The following CDH13 variants were observed in gnomAD, a reference collection of about 807,000 sequenced individuals.
The protein encoded by CDH13 is cadherin-13.
Under a neutral mutation model 63.8 loss-of-function variants are expected in CDH13, and 24 were observed. The ratio of observed to expected loss-of-function variants is 0.38; its 90% CI spans 0.27 to 0.53. The LOEUF (loss-of-function observed/expected upper bound fraction) is 0.53. Among genes scored for constraint, CDH13 ranks in the 20% least tolerant of loss-of-function variants. CDH13 has a pLI of 0.85. For synonymous variants in CDH13, 503 were observed against 355.3 expected, an observed-to-expected ratio of 1.42 and a Z score of -4.67; for missense variants, 1,049 against 903.1, an observed-to-expected ratio of 1.16 and a Z score of -2.07.
chr16:83,293,617 T>C (rs2089516789), intron 5 of CDH13, among the ~76,000 whole-genome samples: 2 of 152,182 alleles, frequency 1.3e-5, no homozygotes, highest in African/African-American at 4.8e-5. Flanking sequence ...ACATAACAGA[T>C]ATATACATAA....
At chr16:82,922,446 A>G (rs2042184892) in intron 2 of CDH13, among the ~76,000 whole-genome samples, 1 of 152,190 alleles carries the variant, frequency 6.6e-6, no homozygotes, top group South Asian at 2.1e-4. Flanking sequence ...GAAGTTTCGA[A>G]GAAGCAAACA....
At chr16:83,701,691 T>A (rs1388839074) in intron 10 of CDH13, among the ~76,000 whole-genome samples, 2 of 152,138 alleles carry the variant, frequency 1.3e-5, no homozygotes, top group Non-Finnish European at 2.9e-5. Context: ...CTCTTCTTCC[T>A]CAGGACGTTA....
At chr16:82,715,352 C>T (rs748599592) in intron 1 of CDH13, among the ~76,000 whole-genome samples, 4 of 152,012 alleles carry the variant, frequency 2.6e-5, no homozygotes, top group East Asian at 1.9e-4. Context: ...CAAGTCAGGG[C>T]GTCTGTTTGT....
intron 2 of CDH13, among the ~76,000 whole-genome samples, chr16:82,935,874 C>T (rs2042651243): frequency 6.6e-6 from 1 of 152,108 alleles, no homozygotes; most frequent in Admixed American, 6.6e-5. Context: ...AGAGAAACAG[C>T]TTCCTCTATA....
intron 4 of CDH13, among the ~76,000 whole-genome samples, chr16:83,188,818 G>C (rs1391160228): frequency 6.6e-6 from 1 of 152,200 alleles, no homozygotes; most frequent in Non-Finnish European, 1.5e-5. Flanking sequence ...ACGGTTTACT[G>C]TACCTTCTTC....
chr16:83,279,774 C>T (rs1485686212), intron 5 of CDH13, among the ~76,000 whole-genome samples: 1 of 151,706 alleles, frequency 6.6e-6, no homozygotes, highest in Non-Finnish European at 1.5e-5. Flanking sequence ...AGGCGTAGCT[C>T]AGAGATATCA....
chr16:83,593,865 A>T (rs1305731004), intron 7 of CDH13, among the ~76,000 whole-genome samples: 4 of 152,180 alleles, frequency 2.6e-5, no homozygotes, highest in Non-Finnish European at 5.9e-5. Context: ...AAACAAGCAC[A>T]TTATAGACTG....
chr16:82,664,071 C>T (rs1912300528), intron 1 of CDH13, among the ~76,000 whole-genome samples: 1 of 152,226 alleles, frequency 6.6e-6, no homozygotes, highest in African/African-American at 2.4e-5. Flanking sequence ...ATATTACTTA[C>T]TCGTCCCTAC....
At chr16:83,156,742 A>G (rs1224850540) in intron 4 of CDH13, among the ~76,000 whole-genome samples, 1 of 152,120 alleles carries the variant, frequency 6.6e-6, no homozygotes, top group Non-Finnish European at 1.5e-5. Context: ...ACCCTCCCCC[A>G]GCCTCCTTCC....
chr16:82,874,021 G>T (rs769952618), intron 2 of CDH13, among the ~76,000 whole-genome samples: 1 of 150,880 alleles, frequency 6.6e-6, no homozygotes, highest in African/African-American at 2.4e-5. Flanking sequence ...TTTAGGTCCA[G>T]ATGTGTTCTG....
intron 1 of CDH13, among the ~76,000 whole-genome samples, chr16:82,697,958 C>G (rs2030537957): frequency 6.6e-6 from 1 of 152,034 alleles, no homozygotes; most frequent in Admixed American, 6.6e-5. Flanking sequence ...TGTAATCTAC[C>G]CCATAGATGA....
At chr16:83,793,048 A>C (rs960286817) in intron 13 of CDH13, among the ~76,000 whole-genome samples, 1 of 152,202 alleles carries the variant, frequency 6.6e-6, no homozygotes, top group Non-Finnish European at 1.5e-5. Context: ...GAGTGAGAAC[A>C]AAGGTCAGAA....
At chr16:82,897,666 C>A (rs1049925012) in intron 2 of CDH13, among the ~76,000 whole-genome samples, 6 of 152,224 alleles carry the variant, frequency 3.9e-5, no homozygotes, top group South Asian at 2.1e-4. Context: ...AAAGCCCATA[C>A]CCTTAGCTAT....
chr16:83,306,850 G>A (rs1188062787), intron 5 of CDH13, among the ~76,000 whole-genome samples: 2 of 152,102 alleles, frequency 1.3e-5, no homozygotes, highest in African/African-American at 4.8e-5. Flanking sequence ...CTCTTCTTTG[G>A]AAATTACCCA....
intron 1 of CDH13, among the ~76,000 whole-genome samples, chr16:82,630,825 T>C (rs1344849494): frequency 6.6e-6 from 1 of 152,222 alleles, no homozygotes; most frequent in African/African-American, 2.4e-5. Context: ...ACAGTGTTTC[T>C]GTGTGCGCGT....
intron 6 of CDH13, among the ~76,000 whole-genome samples, chr16:83,379,938 T>TATATATATAGAGAGAGAGAGAGAG: frequency 5.3e-4 from 66 of 123,456 alleles, no homozygotes; most frequent in African/African-American, 7.5e-4. Flanking sequence ...TATATATATA[T>TATATATATAGAGAGAGAGAGAGAG]AGAGAGAGAG....
At chr16:82,709,364 A>G (rs2031740268) in intron 1 of CDH13, among the ~76,000 whole-genome samples, 1 of 152,212 alleles carries the variant, frequency 6.6e-6, no homozygotes, top group Non-Finnish European at 1.5e-5. Context: ...TTTAAAATAG[A>G]CCCAATTCTA....
At chr16:83,485,723 T>A (rs1468443777) in intron 6 of CDH13, among the ~76,000 whole-genome samples, 1 of 152,136 alleles carries the variant, frequency 6.6e-6, no homozygotes, top group East Asian at 1.9e-4. Context: ...TGATAAGTCT[T>A]ATTGTTTGTT....
chr16:83,746,011 C>T (rs775988846), intron 10 of CDH13, among the ~76,000 whole-genome samples: 1 of 152,206 alleles, frequency 6.6e-6, no homozygotes, highest in African/African-American at 2.4e-5. Context: ...GGGCCCACGT[C>T]CTGACTCTAC....
Sources: gnomAD v4.1 joint callset for allele counts (sites outside exome capture counted in the v4.1 genomes callset) on GRCh38, gnomAD v4.1.1 for gene constraint, MANE v1.5 for transcripts, NCBI Gene and HGNC (gene_info 2026-07-23, HGNC 2026-07-21) for gene names.